BCHE: variants seen among roughly 807,000 people sequenced by gnomAD.
BCHE encodes the protein butyrylcholinesterase, also known as cholinesterase.
BCHE carries 48 observed loss-of-function variants against 51.3 expected under a neutral mutation model. That is an observed-to-expected ratio of 0.94 (90% CI 0.74 to 1.19). The LOEUF is 1.19. Among genes scored for constraint, BCHE ranks in the 50% most tolerant of loss-of-function variants. The pLI, the probability that BCHE is intolerant of heterozygous loss-of-function variation, is 0.00. For missense variants in BCHE, 847 were observed against 708.2 expected, an observed-to-expected ratio of 1.20 and a Z score of -2.23; for synonymous variants, 251 against 238.0, an observed-to-expected ratio of 1.05 and a Z score of -0.50.
chr3:165,812,285 G>GA (rs1714131271), intron 2 of BCHE, among the ~76,000 whole-genome samples: 1 of 21,534 alleles, frequency 4.6e-5, no homozygotes, highest in Non-Finnish European at 1.3e-4. Flanking sequence ...ATGAGTCTTT[G>GA]ATTTTTTTTT....
chr3:165,807,206 A>C (rs1179626055), intron 2 of BCHE, among the ~76,000 whole-genome samples: 2 of 151,876 alleles, frequency 1.3e-5, no homozygotes, highest in African/African-American at 4.8e-5. Flanking sequence ...CATTGCAAAA[A>C]CCTTGAAGAT....
chr3:165,785,283 C>T (rs1712899609), intron 3 of BCHE, among the ~76,000 whole-genome samples: 1 of 151,690 alleles, frequency 6.6e-6, no homozygotes, highest in African/African-American at 2.4e-5. Context: ...AAGGACCTGA[C>T]CAGCAATATG....
chr3:165,780,235 C>T (rs1428819073), intron 3 of BCHE, among the ~76,000 whole-genome samples: 2 of 152,156 alleles, frequency 1.3e-5, no homozygotes, highest in Non-Finnish European at 2.9e-5. Context: ...GGACTCCTTC[C>T]TTACACTTTA....
chr3:165,804,993 A>T (rs1306430743), intron 2 of BCHE, among the ~76,000 whole-genome samples: 2 of 152,180 alleles, frequency 1.3e-5, no homozygotes, highest in African/African-American at 4.8e-5. Context: ...TGTTTACAAG[A>T]TTTTTAGTAG....
At position 165,837,377 on chromosome 3, in the gene BCHE, A is replaced by G. The variant is rs1454990760; in HGVS notation, c.-72T>C. On this transcript the variant is annotated 5_prime_UTR_variant, in exon 1 of 4. Transcript: ENST00000264381. ...GTGAAAATCATGTAATACTTCGGGGAAATGCAGGATGCAGCTGCTGCTCCA... is the reference window on the plus strand; with the variant it reads ...GTGAAAATCATGTAATACTTCGGGGGAATGCAGGATGCAGCTGCTGCTCCA... The G allele has an allele frequency of 7.8e-7, 1 of 1,289,804 alleles. No homozygotes were observed. Among genetic ancestry groups the G allele is most frequent in the Admixed American group, 2.3e-5 (1 of 43,560 alleles). 79.9% of individuals were successfully genotyped at this position (1,289,804 alleles called of 1,614,324 possible). A position where few individuals can be genotyped will look rare whatever the true frequency, so the allele number is the denominator to read the frequency against.
chr3:165,827,879 A>C (rs1057415021), intron 2 of BCHE: 2 of 332,080 alleles, frequency 6.0e-6, no homozygotes, highest in Non-Finnish European at 1.2e-5. Context: ...CGGGTAATAT[A>C]ATAACCCACA....
chr3:165,832,480 TG>T (rs1423836729), intron 1 of BCHE, among the ~76,000 whole-genome samples: 1 of 151,926 alleles, frequency 6.6e-6, no homozygotes, highest in African/African-American at 2.4e-5. Context: ...TTAGTAGAGA[TG>T]GGGTTTTACC....
chr3:165,786,294 T>C lies in BCHE; in HGVS notation c.1535A>G (p.Gln512Arg). 1 of 1,611,314 alleles carries C rather than the reference T, an allele frequency of 6.2e-7. No individual in the cohort carries two copies. Among genetic ancestry groups the C allele is most frequent in the Non-Finnish European group, 8.5e-7 (1 of 1,178,156 alleles). ...GACAGGCCAGCTTGTGCTATTGTTC[T>C]GAGTCTCATTTGGATTCCTAAATAA... is the stretch of plus-strand genomic sequence containing the variant. ...FAKYGNPNET[Q>R]NNSTSWPVFK... The change falls in exon 3 of 4, where the codon CAG (glutamine) becomes CGG (arginine). Residue 512 changes from glutamine (Q) to arginine (R), a missense_variant. Coordinates refer to ENST00000264381, the MANE Select transcript of BCHE (RefSeq NM_000055.4).
intron 2 of BCHE, among the ~76,000 whole-genome samples, chr3:165,787,191 A>G (rs1712987490): frequency 6.6e-6 from 1 of 151,822 alleles, no homozygotes; most frequent in Non-Finnish European, 1.5e-5. Flanking sequence ...TCTTTTCAAT[A>G]TCTACAGTGT....
intron 2 of BCHE, among the ~76,000 whole-genome samples, chr3:165,802,073 G>T: frequency 6.6e-6 from 1 of 152,134 alleles, no homozygotes; most frequent in East Asian, 1.9e-4. Context: ...GCTTCCAGTG[G>T]CACATTACAC....
At chr3:165,806,878 A>G (rs1315617409) in intron 2 of BCHE, among the ~76,000 whole-genome samples, 1 of 152,040 alleles carries the variant, frequency 6.6e-6, no homozygotes, top group African/African-American at 2.4e-5. Flanking sequence ...TAAATTAGAG[A>G]AAGAAAACAG....
chr3:165,826,020 C>G (rs1465203301), intron 2 of BCHE, among the ~76,000 whole-genome samples: 1 of 151,956 alleles, frequency 6.6e-6, no homozygotes, highest in Non-Finnish European at 1.5e-5. Context: ...AGATGTGAAA[C>G]AAGTGGGGCT....
chr3:165,811,702 G>T (rs908977747), intron 2 of BCHE, among the ~76,000 whole-genome samples: 2 of 152,008 alleles, frequency 1.3e-5, no homozygotes, highest in South Asian at 2.1e-4. Context: ...TGAGCAAGAT[G>T]ATAGTGTACA....
chr3:165,833,636 T>C (rs1165548616), intron 1 of BCHE, among the ~76,000 whole-genome samples: 1 of 152,174 alleles, frequency 6.6e-6, no homozygotes, highest in Admixed American at 6.5e-5. Flanking sequence ...TAAAGTTTCC[T>C]GTTACCTGAC....
Position 165,830,399 on chromosome 3 carries a change from G to T in BCHE, c.635C>A (p.Ala212Asp). Residue 212 changes from alanine (A) to aspartate (D), a missense_variant, in exon 2 of 4, where the codon GCC (alanine) becomes GAC (aspartate). By Grantham distance (126) the Ala-to-Asp change is moderately radical. Transcript: ENST00000264381. ...TACACTTTTAGGATTTCCACCAAAG[G>T]CTGCTATATTTTTTTGAACCCACTG... The part of the protein sequence containing the change: ...ALQWVQKNIA[A>D]FGGNPKSVTL... 6.2e-7 allele frequency: 1 copy of T among 1,613,896 alleles called. No individual in the cohort carries two copies. Among genetic ancestry groups the T allele is most frequent in the Non-Finnish European group, 8.5e-7 (1 of 1,179,922 alleles).
chr3:165,830,794 C>G lies in BCHE; in HGVS notation c.240G>C (p.Trp80Cys). The G allele has an allele frequency of 6.2e-7, 1 of 1,613,736 alleles. No homozygotes were observed. The highest frequency in any genetic ancestry group is 8.5e-7 in the Non-Finnish European group (1 of 1,179,816). The change falls in exon 2 of 4, where the codon TGG becomes TGC. Residue 80 changes from tryptophan to cysteine, a missense_variant. By Grantham distance (215) the Trp-to-Cys change is radical. Coordinates refer to ENST00000264381, the MANE Select transcript of BCHE (RefSeq NM_000055.4). ...RFKKPQSLTK[W>C]SDIWNATKYA... ...ATTTTGTGGCATTCCAAATATCAGA[C>G]CACTTGGTCAGAGACTGTGGCTTTT...
At chr3:165,813,121 A>G (rs1714169733) in intron 2 of BCHE, among the ~76,000 whole-genome samples, 1 of 151,884 alleles carries the variant, frequency 6.6e-6, no homozygotes. Flanking sequence ...ATTAGAGACT[A>G]CTGTGGATTT....
intron 3 of BCHE, among the ~76,000 whole-genome samples, chr3:165,784,699 A>C (rs2108201225): frequency 6.6e-6 from 1 of 152,062 alleles, no homozygotes; most frequent in South Asian, 2.1e-4. Flanking sequence ...TTCAAATTTT[A>C]TTGTATCATC....
intron 2 of BCHE, among the ~76,000 whole-genome samples, chr3:165,816,085 T>A (rs1329992372): frequency 6.6e-6 from 1 of 151,940 alleles, no homozygotes; most frequent in Non-Finnish European, 1.5e-5. Flanking sequence ...GGTTTCAATA[T>A]GACCTTTTCT....
Sources: allele counts gnomAD v4.1 joint callset (sites outside exome capture counted in the v4.1 genomes callset), GRCh38; gene constraint gnomAD v4.1.1; transcripts MANE v1.5; gene names NCBI Gene and HGNC (gene_info 2026-07-23, HGNC 2026-07-21).